FGGY: variants seen among roughly 807,000 people sequenced by gnomAD.
FGGY encodes the protein FGGY carbohydrate kinase domain-containing protein.
A neutral mutation model predicts 71.3 loss-of-function variants in FGGY; 72 were observed. The ratio of observed to expected loss-of-function variants is 1.01; its 90% CI spans 0.84 to 1.23. The LOEUF (loss-of-function observed/expected upper bound fraction) is 1.23. Ranked by LOEUF, FGGY falls within the 50% of genes most tolerant of loss-of-function variation. The pLI, the probability that FGGY is intolerant of heterozygous loss-of-function variation, is 0.00. For synonymous variants in FGGY, 251 were observed against 250.3 expected (o/e 1.00, Z -0.02); for missense variants, 668 against 682.3 (o/e 0.98, Z 0.23).
At chr1:59,446,941 C>T (rs2071414088) in intron 5 of FGGY, among the ~76,000 whole-genome samples, 1 of 152,144 alleles carries the variant, frequency 6.6e-6, no homozygotes, top group African/African-American at 2.4e-5. Context: ...GATCAGGCCC[C>T]TGGAACTCAG....
In FGGY at chr1:59,539,968, G is replaced by A. The variant is rs533945365; in HGVS notation, c.800-14156G>A. On this transcript the variant is annotated intron_variant, in intron 7 of 15. Coordinates refer to ENST00000303721, the MANE Select transcript of FGGY (RefSeq NM_018291.5). ...ATGTGTGCATATATACATTTGAGCA[G>A]CTTTGCAGAAAAGAGGATATACAAA... 3.9e-5 allele frequency among the ~76,000 whole-genome samples: 6 copies of A among 152,332 alleles called. No individual in the cohort carries two copies. In the South Asian group the frequency reaches 6.2e-4, roughly 16 times the overall value.
chr1:59,491,195 G>T (rs188300818), intron 6 of FGGY, among the ~76,000 whole-genome samples: 1 of 119,572 alleles, frequency 8.4e-6, no homozygotes, highest in East Asian at 2.5e-4. Context: ...GCTTAATATT[G>T]CTTTGGCATT....
chr1:59,328,104 A>G (rs995282489), intron 2 of FGGY, among the ~76,000 whole-genome samples: 2 of 152,242 alleles, frequency 1.3e-5, no homozygotes, highest in Admixed American at 6.5e-5. Flanking sequence ...GCCCCTAACA[A>G]GAGAGCCAGC....
chr1:59,343,500 T>A (rs1048816655), intron 3 of FGGY, among the ~76,000 whole-genome samples: 1 of 152,190 alleles, frequency 6.6e-6, no homozygotes, highest in Non-Finnish European at 1.5e-5. Context: ...TAGAGCCTGC[T>A]CTTTGCTCCT....
intron 14 of FGGY, among the ~76,000 whole-genome samples, chr1:59,721,337 G>GTT (rs71046339): frequency 0.28 from 29,436 of 103,986 alleles, 6,204 homozygotes; most frequent in South Asian, 0.36. Flanking sequence ...TCTTTCCTTT[G>GTT]TTTTTTTTTT....
rs74087490 is a variant in FGGY, at chr1:59,437,991, A to G, written c.555-18970A>G. Among the ~76,000 whole-genome samples the G allele has an allele frequency of 7.7e-3, 1,164 of 152,108 alleles. 16 individuals carry two copies. The highest frequency in any genetic ancestry group is 0.027 in the African/African-American group (1,113 of 41,512). On this transcript the variant is annotated intron_variant, in intron 5 of 15. Transcript: ENST00000303721. The stretch of plus-strand genomic sequence containing the variant: ...TTCAGGAGAAGTCTTTTTAGTACTT[A>G]TGTGTGTGTGTGTATGTGAGTGTTT...
chr1:59,435,748 G>A (rs919310045), intron 5 of FGGY, among the ~76,000 whole-genome samples: 2 of 17,370 alleles, frequency 1.2e-4, no homozygotes, highest in African/African-American at 1.1e-3. Flanking sequence ...GTGCCTGCGT[G>A]TGTGTGTGTG....
At chr1:59,302,261 C>T (rs1044332688) in intron 1 of FGGY, among the ~76,000 whole-genome samples, 3 of 151,910 alleles carry the variant, frequency 2.0e-5, no homozygotes, top group Admixed American at 1.3e-4. Flanking sequence ...AAATACCTGA[C>T]CTCTCGGTAA....
intron 5 of FGGY, among the ~76,000 whole-genome samples, chr1:59,431,571 A>G (rs1449957390): frequency 6.6e-6 from 1 of 152,174 alleles, no homozygotes; most frequent in Non-Finnish European, 1.5e-5. Flanking sequence ...TTTCCATGAG[A>G]TCATCCAGGA....
intron 8 of FGGY, among the ~76,000 whole-genome samples, chr1:59,563,795 A>G (rs186430721): frequency 1.3e-5 from 2 of 152,354 alleles, no homozygotes; most frequent in Non-Finnish European, 2.9e-5. Flanking sequence ...AAACTCTACT[A>G]CAAGGCTACA....
At chr1:59,633,449 C>G (rs991066639) in intron 10 of FGGY, among the ~76,000 whole-genome samples, 3 of 152,138 alleles carry the variant, frequency 2.0e-5, no homozygotes, top group African/African-American at 7.2e-5. Context: ...AACTGGTTAC[C>G]AGTAGCTCAG....
chr1:59,392,479 T>A (rs778008895), intron 5 of FGGY, among the ~76,000 whole-genome samples: 47 of 152,132 alleles, frequency 3.1e-4, no homozygotes, highest in Non-Finnish European at 4.7e-4. Context: ...CAAAATGTGC[T>A]GCTTGGAGTG....
chr1:59,664,688 T>C (rs748592031), intron 12 of FGGY, among the ~76,000 whole-genome samples: 1 of 152,234 alleles, frequency 6.6e-6, no homozygotes, highest in Non-Finnish European at 1.5e-5. Flanking sequence ...AGATTAGAGA[T>C]GCTATTAAAG....
At chr1:59,742,396 C>A (rs968633977) in intron 14 of FGGY, among the ~76,000 whole-genome samples, 2 of 152,222 alleles carry the variant, frequency 1.3e-5, no homozygotes, top group African/African-American at 4.8e-5. Flanking sequence ...TTCATTGAAA[C>A]ACGCTTCCAC....
chr1:59,472,121 T>TGGGGAAGGAGAGGC (rs2092973141), intron 6 of FGGY, among the ~76,000 whole-genome samples: 2 of 151,546 alleles, frequency 1.3e-5, no homozygotes, highest in African/African-American at 4.9e-5. Flanking sequence ...TGCGGGGAGG[T>TGGGGAAGGAGAGGC]GTGGAAGGAG....
chr1:59,628,931 T>G (rs1242640271), intron 10 of FGGY, among the ~76,000 whole-genome samples: 1 of 152,120 alleles, frequency 6.6e-6, no homozygotes, highest in East Asian at 1.9e-4. Flanking sequence ...ATAAGGTTGT[T>G]GAGAAAATTA....
intron 14 of FGGY, among the ~76,000 whole-genome samples, chr1:59,704,241 T>C (rs1164017931): frequency 6.6e-6 from 1 of 152,062 alleles, no homozygotes; most frequent in Non-Finnish European, 1.5e-5. Context: ...TCAGAGGATT[T>C]CTCAATCCTG....
At chr1:59,385,136 CCT>C (rs2059927910) in intron 5 of FGGY, among the ~76,000 whole-genome samples, 1 of 152,014 alleles carries the variant, frequency 6.6e-6, no homozygotes, top group Admixed American at 6.6e-5. Context: ...AAGAACACCT[CCT>C]CCCCTTTCTC....
chr1:59,489,772 A>G (rs2093768531), intron 6 of FGGY, among the ~76,000 whole-genome samples: 1 of 152,088 alleles, frequency 6.6e-6, no homozygotes. Flanking sequence ...TTCTGTTTGT[A>G]GTTTTTTGAG....
Sources: allele counts gnomAD v4.1 joint callset (sites outside exome capture counted in the v4.1 genomes callset), GRCh38; gene constraint gnomAD v4.1.1; transcripts MANE v1.5; gene names NCBI Gene and HGNC (gene_info 2026-07-23, HGNC 2026-07-21).